The following HECTD4 variants were observed in gnomAD, a reference collection of about 807,000 sequenced individuals.
The protein encoded by HECTD4 is HECT domain E3 ubiquitin protein ligase 4, also known as probable E3 ubiquitin-protein ligase HECTD4.
HECTD4 carries 114 observed loss-of-function variants against 471.5 expected under a neutral mutation model. That is an observed-to-expected ratio of 0.24 (90% CI 0.21 to 0.28). The LOEUF (loss-of-function observed/expected upper bound fraction) is 0.28, where lower values mean the gene tolerates loss of function less well. Ranked by LOEUF, HECTD4 falls within the 10% of genes least tolerant of loss-of-function variation. HECTD4 has a pLI of 1.00. For synonymous variants in HECTD4, 2,012 were observed against 2,256.0 expected, an observed-to-expected ratio of 0.89 and a Z score of 3.07; for missense variants, 3,866 against 5,651.5, an observed-to-expected ratio of 0.68 and a Z score of 10.13.
At chr12:112,187,182 T>C (rs2031901875) in intron 60 of HECTD4, among the ~76,000 whole-genome samples, 1 of 151,930 alleles carries the variant, frequency 6.6e-6, no homozygotes, top group South Asian at 2.1e-4. Flanking sequence ...TTCCTCCGTG[T>C]TGGTCAGGCT....
chr12:112,207,009 T>G (rs2032607169), intron 52 of HECTD4, among the ~76,000 whole-genome samples: 1 of 152,170 alleles, frequency 6.6e-6, no homozygotes. Context: ...AACAAGAAAT[T>G]GTGGCCTAAG....
In HECTD4 at chr12:112,283,162, A is replaced by C; in HGVS notation, c.1476T>G (p.Leu492=). 1 of 1,613,958 alleles carries C rather than the reference A, an allele frequency of 6.2e-7. No individual in the cohort carries two copies. Among genetic ancestry groups the C allele is most frequent in the East Asian group, 2.2e-5 (1 of 44,888 alleles). Reference sequence around the variant, plus strand: ...AGATGGTGGAACCAGTCAGGGCAGCAAGCGTTGCTGACGGGGAGGCTCTAT... The same window carrying C: ...AGATGGTGGAACCAGTCAGGGCAGCCAGCGTTGCTGACGGGGAGGCTCTAT... ...SRYRASPSAT[L]AALTGSTISN... The change falls in exon 8 of 76, where the codon CTT becomes CTG. Residue 492 remains leucine (L), a synonymous_variant. Transcript: ENST00000682272.
chr12:112,382,265 A>G lies in HECTD4; in HGVS notation c.-137T>C. On this transcript the variant is annotated 5_prime_UTR_variant, in exon 1 of 76. Coordinates refer to ENST00000682272, the MANE Select transcript of HECTD4 (RefSeq NM_001388303.1). The stretch of plus-strand genomic sequence containing the variant: ...GCCCCACTTGCTGCCTCGCCCGTGC[A>G]ACTCCGCCCTAGGCGGTCCGAGTCG... The G allele has an allele frequency of 1.4e-6, 1 of 714,644 alleles. No homozygotes were observed. Among genetic ancestry groups the G allele is most frequent in the Non-Finnish European group, 1.9e-6 (1 of 527,878 alleles). The allele number at this position is 714,644 out of a possible 1,614,324, so 44.3% of individuals were successfully genotyped here. A position where few individuals can be genotyped will look rare whatever the true frequency, so the allele number is the denominator to read the frequency against.
At chr12:112,288,174 C>A (rs1335931652) in intron 7 of HECTD4, among the ~76,000 whole-genome samples, 1 of 151,432 alleles carries the variant, frequency 6.6e-6, no homozygotes, top group Non-Finnish European at 1.5e-5. Context: ...ACTAAAAATA[C>A]AAAATTAGCT....
chr12:112,375,444 A>C (rs961068013), intron 1 of HECTD4, among the ~76,000 whole-genome samples: 5 of 152,170 alleles, frequency 3.3e-5, no homozygotes, highest in African/African-American at 1.2e-4. Flanking sequence ...CACTAACCAA[A>C]ATGCTTAAAT....
At chr12:112,196,537 C>T (rs766545506) in intron 55 of HECTD4, among the ~76,000 whole-genome samples, 6 of 152,108 alleles carry the variant, frequency 3.9e-5, no homozygotes, top group Non-Finnish European at 8.8e-5. Context: ...CACGGTTCTC[C>T]CCTTGGCTTT....
intron 4 of HECTD4, among the ~76,000 whole-genome samples, chr12:112,310,564 T>C (rs550705889): frequency 2.6e-5 from 4 of 152,288 alleles, no homozygotes; most frequent in Admixed American, 1.3e-4. Flanking sequence ...TCTTTCCACC[T>C]GAAGCATGCC....
intron 18 of HECTD4, 145 bp from the exon 19 acceptor site, chr12:112,259,410 C>A: frequency 4.1e-6 from 3 of 739,802 alleles, no homozygotes; most frequent in Non-Finnish European, 4.3e-6. Flanking sequence ...ATTCAGTCCA[C>A]AAATTTTCCA....
At chr12:112,337,243 G>A (rs1227488473) in intron 1 of HECTD4, among the ~76,000 whole-genome samples, 2 of 152,158 alleles carry the variant, frequency 1.3e-5, no homozygotes, top group Non-Finnish European at 2.9e-5. Flanking sequence ...ACTTTTAAGT[G>A]TCAAATGCAA....
chr12:112,263,765 G>A (rs1235271759), intron 17 of HECTD4, among the ~76,000 whole-genome samples: 2 of 147,324 alleles, frequency 1.4e-5, no homozygotes, highest in African/African-American at 5.1e-5. Flanking sequence ...ACATATATAT[G>A]TCTATGTAGC....
At chr12:112,303,294 T>C (rs1049551270) in intron 7 of HECTD4, among the ~76,000 whole-genome samples, 1 of 152,190 alleles carries the variant, frequency 6.6e-6, no homozygotes, top group African/African-American at 2.4e-5. Flanking sequence ...ACATCTGATG[T>C]CCCAGTTGCT....
At chr12:112,226,335 C>T (rs1368913716) in intron 44 of HECTD4, 1 of 224,134 alleles carries the variant, frequency 4.5e-6, no homozygotes, top group Non-Finnish European at 8.8e-6. Flanking sequence ...GCCCTAAGGA[C>T]AGCTCCTAAA....
intron 60 of HECTD4, 78 bp downstream of exon 60, chr12:112,190,708 C>G: frequency 7.2e-7 from 1 of 1,398,220 alleles, no homozygotes; most frequent in Non-Finnish European, 9.7e-7. Context: ...CCTACACCAC[C>G]TGGCAAGCTC....
At chr12:112,305,855 A>G (rs2135681309) in intron 7 of HECTD4, among the ~76,000 whole-genome samples, 1 of 152,310 alleles carries the variant, frequency 6.6e-6, no homozygotes, top group African/African-American at 2.4e-5. Flanking sequence ...CAGTCATCAG[A>G]TTAACATTCA....
chr12:112,214,567 C>T (rs1477126012), intron 48 of HECTD4, among the ~76,000 whole-genome samples: 2 of 152,174 alleles, frequency 1.3e-5, no homozygotes, highest in Non-Finnish European at 2.9e-5. Flanking sequence ...TATTCCTTTG[C>T]AGACACATTT....
intron 7 of HECTD4, among the ~76,000 whole-genome samples, chr12:112,286,484 G>C (rs925368801): frequency 1.3e-5 from 2 of 152,006 alleles, no homozygotes; most frequent in Non-Finnish European, 2.9e-5. Flanking sequence ...GACCAGCCTG[G>C]GCAACATAGT....
At chr12:112,281,487 G>T (rs1465419208) in intron 8 of HECTD4, among the ~76,000 whole-genome samples, 2 of 151,852 alleles carry the variant, frequency 1.3e-5, no homozygotes, top group African/African-American at 4.8e-5. Context: ...TCTCCCAAGG[G>T]ACAAACCCAG....
At position 112,162,321 on chromosome 12, in the gene HECTD4, G is replaced by C. The variant is rs2030719724; in HGVS notation, c.*66C>G. 1 of 1,602,300 alleles carries C rather than the reference G, an allele frequency of 6.2e-7. No homozygotes were observed. Among genetic ancestry groups the C allele is most frequent in the East Asian group, 2.2e-5 (1 of 44,788 alleles). ...CAGGGCCCTGGAGGGACGGGCCGCA[G>C]TGGTGGCTTCCCAAGCCAGCAGAGT... is the stretch of plus-strand genomic sequence containing the variant. On this transcript the variant is annotated 3_prime_UTR_variant, in exon 76 of 76. Transcript: ENST00000682272. The surrounding 1 kb of genome is among the most constrained non-coding windows in gnomAD (Gnocchi z 5.2).
intron 1 of HECTD4, among the ~76,000 whole-genome samples, chr12:112,360,652 T>C (rs986418814): frequency 1.3e-4 from 20 of 152,190 alleles, no homozygotes; most frequent in African/African-American, 4.8e-4. Context: ...TGATCCCATA[T>C]ATCTCTAGCA....
Sources: gnomAD v4.1 joint callset for allele counts (sites outside exome capture counted in the v4.1 genomes callset) on GRCh38, gnomAD v4.1.1 for gene constraint, Gnocchi (gnomAD v3.1) non-coding constraint, MANE v1.5 for transcripts, NCBI Gene and HGNC (gene_info 2026-07-23, HGNC 2026-07-21) for gene names.